Variants in LSAMP observed in about 807,000 individuals in gnomAD.
LSAMP encodes limbic system associated membrane protein.
Under a neutral mutation model 38.6 loss-of-function variants are expected in LSAMP, and 7 were observed. The observed-to-expected ratio is 0.18, with a 90% CI of 0.10 to 0.34. The LOEUF (loss-of-function observed/expected upper bound fraction) is 0.34. Among genes scored for constraint, LSAMP ranks in the 10% least tolerant of loss-of-function variants. The pLI is 1.00. For missense variants in LSAMP, 313 were observed against 420.0 expected, an observed-to-expected ratio of 0.75 and a Z score of 2.23; for synonymous variants, 154 against 166.8, an observed-to-expected ratio of 0.92 and a Z score of 0.59.
intron 1 of LSAMP, among the ~76,000 whole-genome samples, chr3:116,238,578 G>T (rs181819743): frequency 2.0e-4 from 31 of 152,188 alleles, no homozygotes; most frequent in Admixed American, 4.6e-4. Flanking sequence ...AGGAAGGGAG[G>T]ACAATGAAGG....
chr3:115,827,871 T>C (rs1171551140), intron 6 of LSAMP, among the ~76,000 whole-genome samples: 1 of 152,196 alleles, frequency 6.6e-6, no homozygotes, highest in Non-Finnish European at 1.5e-5. Context: ...CACAGCAGTA[T>C]ACAAGGGGAG....
chr3:115,892,994 A>G (rs1453819385), intron 3 of LSAMP, among the ~76,000 whole-genome samples: 1 of 151,836 alleles, frequency 6.6e-6, no homozygotes, highest in Non-Finnish European at 1.5e-5. Flanking sequence ...AAATACTTAA[A>G]TTTCTTATCA....
chr3:116,243,649 T>C (rs1372795992), intron 1 of LSAMP, among the ~76,000 whole-genome samples: 1 of 152,148 alleles, frequency 6.6e-6, no homozygotes, highest in Non-Finnish European at 1.5e-5. Flanking sequence ...CAAAATTTTC[T>C]CTCTGCAGCC....
intron 1 of LSAMP, among the ~76,000 whole-genome samples, chr3:116,344,629 T>A (rs2048040204): frequency 6.6e-6 from 1 of 152,106 alleles, no homozygotes; most frequent in Admixed American, 6.6e-5. Context: ...ACACCCCAAA[T>A]GATCTCAACT....
chr3:115,950,811 A>AAAAAAAAAAAAAAAAAC (rs1938261314), intron 3 of LSAMP, among the ~76,000 whole-genome samples: 1 of 128,308 alleles, frequency 7.8e-6, no homozygotes, highest in African/African-American at 2.8e-5. Context: ...AAAAAAAAAA[A>AAAAAAAAAAAAAAAAAC]AAAAAAAAAA....
Position 116,445,061 on chromosome 3 carries a change from G to C in LSAMP, c.-30C>G. ...GCCACGCCGAGGTGCGGGTCCGCGG[G>C]GTGCTCTGGAGGGGTGCGCGCTGCT... On this transcript the variant is annotated 5_prime_UTR_variant, in exon 1 of 7. Coordinates refer to ENST00000490035, the MANE Select transcript of LSAMP (RefSeq NM_002338.5). 1 of 1,598,184 alleles carries C rather than the reference G, an allele frequency of 6.3e-7. No individual in the cohort carries two copies. Among genetic ancestry groups the C allele is most frequent in the Non-Finnish European group, 8.5e-7 (1 of 1,171,146 alleles).
chr3:115,914,155 C>G (rs180796434), intron 3 of LSAMP, among the ~76,000 whole-genome samples: 1 of 152,268 alleles, frequency 6.6e-6, no homozygotes, highest in Admixed American at 6.5e-5. Context: ...CCTAGAGATC[C>G]TTGACCAAAC....
At chr3:115,885,823 T>C (rs920376720) in intron 3 of LSAMP, among the ~76,000 whole-genome samples, 3 of 151,838 alleles carry the variant, frequency 2.0e-5, no homozygotes, top group Non-Finnish European at 4.4e-5. Context: ...CGGACAGCTC[T>C]CTTAAGGCTG....
intron 1 of LSAMP, among the ~76,000 whole-genome samples, chr3:116,434,772 G>C (rs2049325482): frequency 6.6e-6 from 1 of 152,230 alleles, no homozygotes; most frequent in East Asian, 1.9e-4. Flanking sequence ...GGATGGTCTC[G>C]ATCTCTTGAC....
chr3:115,942,370 A>C (rs1413988494), intron 3 of LSAMP, among the ~76,000 whole-genome samples: 1 of 152,174 alleles, frequency 6.6e-6, no homozygotes, highest in Non-Finnish European at 1.5e-5. Context: ...TCAAAGGAGC[A>C]AAAGGTGTCT....
intron 2 of LSAMP, among the ~76,000 whole-genome samples, chr3:116,067,238 G>A (rs890872610): frequency 6.6e-6 from 1 of 152,156 alleles, no homozygotes; most frequent in Non-Finnish European, 1.5e-5. Context: ...TAATGTGTCT[G>A]CTTCAAATGG....
At chr3:116,143,039 A>G (rs1209745458) in intron 1 of LSAMP, among the ~76,000 whole-genome samples, 1 of 149,152 alleles carries the variant, frequency 6.7e-6, no homozygotes, top group African/African-American at 2.4e-5. Flanking sequence ...TCTATAATAT[A>G]TAACTACATT....
At chr3:116,344,911 A>G (rs1231483371) in intron 1 of LSAMP, among the ~76,000 whole-genome samples, 1 of 152,182 alleles carries the variant, frequency 6.6e-6, no homozygotes, top group East Asian at 1.9e-4. Context: ...TTTGATTTCT[A>G]TATTATTCAC....
intron 1 of LSAMP, among the ~76,000 whole-genome samples, chr3:116,241,218 T>TC (rs1261686624): frequency 6.6e-6 from 1 of 151,602 alleles, no homozygotes; most frequent in Non-Finnish European, 1.5e-5. Flanking sequence ...ATTTTTTTTT[T>TC]CTCTTTTGCT....
chr3:115,872,028 G>A (rs1936053448), intron 3 of LSAMP, among the ~76,000 whole-genome samples: 2 of 152,078 alleles, frequency 1.3e-5, no homozygotes, highest in African/African-American at 2.4e-5. Flanking sequence ...TTCATGTCTA[G>A]TTGTCATTTA....
intron 1 of LSAMP, among the ~76,000 whole-genome samples, chr3:116,300,201 C>T (rs2047387672): frequency 6.6e-6 from 1 of 152,214 alleles, no homozygotes; most frequent in Non-Finnish European, 1.5e-5. Flanking sequence ...TGATCACATT[C>T]ATTTAGCAGA....
chr3:116,252,135 A>G (rs1275228815), intron 1 of LSAMP, among the ~76,000 whole-genome samples: 3 of 152,230 alleles, frequency 2.0e-5, no homozygotes, highest in Non-Finnish European at 4.4e-5. Context: ...AACACATGGG[A>G]GACCAAGGGG....
At chr3:115,840,738 T>G (rs1036939571) in intron 6 of LSAMP, among the ~76,000 whole-genome samples, 5 of 152,160 alleles carry the variant, frequency 3.3e-5, no homozygotes, top group Admixed American at 1.3e-4. Flanking sequence ...TCTAAAAATA[T>G]TTTTTTCTTG....
intron 1 of LSAMP, among the ~76,000 whole-genome samples, chr3:116,435,433 G>A (rs1920064): frequency 0.56 from 84,366 of 151,886 alleles, 25,577 homozygotes; most frequent in East Asian, 0.72. Flanking sequence ...ACTACCTAGG[G>A]GGTGCTGGCC....
Sources: gnomAD v4.1 joint callset for allele counts (sites outside exome capture counted in the v4.1 genomes callset) on GRCh38, gnomAD v4.1.1 for gene constraint, MANE v1.5 for transcripts, NCBI Gene and HGNC (gene_info 2026-07-23, HGNC 2026-07-21) for gene names.